EHD4: variants seen among roughly 807,000 people sequenced by gnomAD.
EHD4 encodes EH domain containing 4.
EHD4 carries 37 observed loss-of-function variants against 51.0 expected under a neutral mutation model. The ratio of observed to expected loss-of-function variants is 0.73; its 90% CI spans 0.56 to 0.95. The LOEUF (loss-of-function observed/expected upper bound fraction) is 0.95, where lower values mean the gene tolerates loss of function less well. EHD4 is among the 40% of genes least tolerant of loss of function. The probability of loss-of-function intolerance (pLI) is 0.00; values close to 1 mark genes in which losing one functional copy is unlikely to be tolerated. For synonymous variants in EHD4, 297 were observed against 317.3 expected (o/e 0.94, Z 0.68); for missense variants, 632 against 733.1 (o/e 0.86, Z 1.59).
At chr15:41,930,971 T>C (rs975674524) in intron 3 of EHD4, among the ~76,000 whole-genome samples, 10 of 152,182 alleles carry the variant, frequency 6.6e-5, no homozygotes, top group African/African-American at 2.4e-4. Context: ...CCATGAGGAA[T>C]GAAAATTAGA....
chr15:41,898,458 T>G lies in EHD4; in HGVS notation c.*2187A>C, dbSNP rs1567241153. The G allele has an allele frequency of 6.6e-6, 1 of 152,274 alleles. No homozygotes were observed. Among genetic ancestry groups the G allele is most frequent in the African/African-American group, 2.4e-5 (1 of 41,468 alleles). The allele number at this position is 152,274 out of a possible 1,614,324, so 9.4% of individuals were successfully genotyped here. A position where few individuals can be genotyped will look rare whatever the true frequency, so the allele number is the denominator to read the frequency against. On this transcript the variant is annotated 3_prime_UTR_variant, in exon 6 of 6. Coordinates refer to ENST00000220325, the MANE Select transcript of EHD4 (RefSeq NM_139265.4). ...ATAATTCTGGATGGAAAAATCAGTTTGCCTGGGCATCTGTAAACCTTTGGG... is the reference window on the plus strand; with the variant it reads ...ATAATTCTGGATGGAAAAATCAGTTGGCCTGGGCATCTGTAAACCTTTGGG...
chr15:41,949,975 T>G (rs1372709058), intron 2 of EHD4, among the ~76,000 whole-genome samples: 1 of 152,166 alleles, frequency 6.6e-6, no homozygotes, highest in African/African-American at 2.4e-5. Context: ...ACCTCTGGAA[T>G]GTCAACAAGC....
At chr15:41,927,878 T>C (rs13329244) in intron 3 of EHD4, among the ~76,000 whole-genome samples, 32,798 of 152,148 alleles carry the variant, frequency 0.22, 3,944 homozygotes, top group Middle Eastern at 0.4. Context: ...GTAAAATTGG[T>C]TTAATCAAGT....
intron 1 of EHD4, among the ~76,000 whole-genome samples, chr15:41,965,186 CA>C (rs1383419447): frequency 1.3e-5 from 2 of 152,128 alleles, no homozygotes; most frequent in Non-Finnish European, 2.9e-5. Flanking sequence ...TTATGTATAA[CA>C]GCATAAAAAC....
At chr15:41,924,532 T>G (rs1222368088) in intron 3 of EHD4, among the ~76,000 whole-genome samples, 1 of 152,184 alleles carries the variant, frequency 6.6e-6, no homozygotes, top group Non-Finnish European at 1.5e-5. Flanking sequence ...TCCAAAATGC[T>G]ATCTACTGGT....
intron 1 of EHD4, among the ~76,000 whole-genome samples, chr15:41,968,985 T>C (rs1456493380): frequency 6.6e-6 from 1 of 152,204 alleles, no homozygotes; most frequent in Non-Finnish European, 1.5e-5. Context: ...GCACCATTTG[T>C]TGAACTATAG....
chr15:41,935,875 CT>C (rs2067728659), intron 3 of EHD4, among the ~76,000 whole-genome samples: 1 of 152,216 alleles, frequency 6.6e-6, no homozygotes, highest in Non-Finnish European at 1.5e-5. Context: ...CTGGAGTTAC[CT>C]GACAGCTCAA....
intron 3 of EHD4, among the ~76,000 whole-genome samples, chr15:41,920,964 A>G (rs2067621251): frequency 6.6e-6 from 1 of 152,236 alleles, no homozygotes; most frequent in African/African-American, 2.4e-5. Context: ...AATCCAAGGC[A>G]GAGGAAAAAG....
At chr15:41,903,601 G>C (rs1595528868) in intron 5 of EHD4, among the ~76,000 whole-genome samples, 1 of 152,024 alleles carries the variant, frequency 6.6e-6, no homozygotes, top group African/African-American at 2.4e-5. Context: ...AGACTGTAGA[G>C]CTGGGCCATT....
At chr15:41,904,671 G>T (rs991261220) in intron 5 of EHD4, among the ~76,000 whole-genome samples, 1 of 152,204 alleles carries the variant, frequency 6.6e-6, no homozygotes, top group Non-Finnish European at 1.5e-5. Flanking sequence ...ATCCACCAGA[G>T]GGTCTGAGCA....
At chr15:41,902,455 C>T (rs9920406) in intron 5 of EHD4, among the ~76,000 whole-genome samples, 89,641 of 151,960 alleles carry the variant, frequency 0.59, 27,258 homozygotes, top group African/African-American at 0.73. Flanking sequence ...CTTGGGGATA[C>T]AGAATAAATA....
chr15:41,963,265 G>A (rs994323725), intron 1 of EHD4, among the ~76,000 whole-genome samples: 9 of 148,196 alleles, frequency 6.1e-5, no homozygotes, highest in Non-Finnish European at 1.2e-4. Flanking sequence ...TCCCCCCCTC[G>A]GAGAAACACC....
At chr15:41,933,293 C>A (rs1477197807) in intron 3 of EHD4, among the ~76,000 whole-genome samples, 1 of 152,210 alleles carries the variant, frequency 6.6e-6, no homozygotes, top group African/African-American at 2.4e-5. Flanking sequence ...ATTCAAGCCA[C>A]ACGTGTATCC....
At position 41,900,596 on chromosome 15, in the gene EHD4, G is replaced by A. The variant is rs1175117188; in HGVS notation, c.*49C>T. On this transcript the variant is annotated 3_prime_UTR_variant, in exon 6 of 6. Coordinates refer to ENST00000220325, the MANE Select transcript of EHD4 (RefSeq NM_139265.4). This position sits in a 1 kb window ranked among gnomAD's most constrained non-coding sequence, Gnocchi z 4.8. ...ATTCGGTGAGTCAGTGGTGGAGCAGGCCTGAGGCCCAGGTCCCCCAGTTCC... is the reference window on the plus strand; with the variant it reads ...ATTCGGTGAGTCAGTGGTGGAGCAGACCTGAGGCCCAGGTCCCCCAGTTCC... The A allele has an allele frequency of 1.3e-6, 2 of 1,501,184 alleles. No individual in the cohort carries two copies. The highest frequency in any genetic ancestry group is 2.0e-5 in the Admixed American group (1 of 50,658). 93.0% of individuals were successfully genotyped at this position (1,501,184 alleles called of 1,614,324 possible). A position where few individuals can be genotyped will look rare whatever the true frequency, so the allele number is the denominator to read the frequency against.
At chr15:41,971,734 C>T (rs993260011) in intron 1 of EHD4, among the ~76,000 whole-genome samples, 8 of 152,218 alleles carry the variant, frequency 5.3e-5, no homozygotes, top group African/African-American at 1.9e-4. Context: ...GCCTCTTTAT[C>T]CCCTCCCCAC....
intron 2 of EHD4, among the ~76,000 whole-genome samples, chr15:41,953,454 G>A (rs11638953): frequency 0.44 from 67,243 of 151,954 alleles, 15,956 homozygotes; most frequent in Non-Finnish European, 0.55. Flanking sequence ...TCCTGGCTTC[G>A]AACAATCCTT....
intron 3 of EHD4, among the ~76,000 whole-genome samples, chr15:41,935,434 T>G (rs1454320298): frequency 6.6e-6 from 1 of 152,018 alleles, no homozygotes; most frequent in African/African-American, 2.4e-5. Context: ...ACATTCAACA[T>G]AAGAAAACCT....
Position 41,928,806 on chromosome 15 carries a change from A to G in EHD4, c.512-9184T>C, listed in dbSNP as rs2067679758. On this transcript the variant is annotated intron_variant, in intron 3 of 5. Coordinates refer to ENST00000220325, the MANE Select transcript of EHD4 (RefSeq NM_139265.4). ...AGGCAGTCCCCAATCAGCGGGAGCA[A>G]TGGGACCTGCTGATGACAAAATAAG... is the stretch of plus-strand genomic sequence containing the variant. 4 of 152,198 alleles carry G rather than the reference A, an allele frequency of 2.6e-5. No homozygotes were observed. In the South Asian group the frequency reaches 8.3e-4, roughly 32 times the overall value. 9.4% of individuals were successfully genotyped at this position (152,198 alleles called of 1,614,324 possible).
In EHD4 at chr15:41,952,337, G is replaced by A. The variant is rs562772973; in HGVS notation, c.413+1427C>T. ...CTACTTCCTCTCCCTAAAGAGGCTC[G>A]GATGACCCTCCCTAGCTCTGTGCCT... On this transcript the variant is annotated intron_variant, in intron 2 of 5. Coordinates refer to ENST00000220325, the MANE Select transcript of EHD4 (RefSeq NM_139265.4). 1.4e-3 allele frequency among the ~76,000 whole-genome samples: 208 copies of A among 152,276 alleles called. 1 individual carries two copies. The highest frequency in any genetic ancestry group is 4.7e-3 in the African/African-American group (197 of 41,554).
Sources: allele counts gnomAD v4.1 joint callset (sites outside exome capture counted in the v4.1 genomes callset), GRCh38; gene constraint gnomAD v4.1.1; non-coding constraint Gnocchi (gnomAD v3.1); transcripts MANE v1.5; gene names NCBI Gene and HGNC (gene_info 2026-07-23, HGNC 2026-07-21).